SLC25A13: variants seen among roughly 807,000 people sequenced by gnomAD.
SLC25A13 encodes the protein solute carrier family 25 member 13, also known as electrogenic aspartate/glutamate antiporter SLC25A13, mitochondrial.
Under a neutral mutation model 85.5 loss-of-function variants are expected in SLC25A13, and 70 were observed. The observed-to-expected ratio is 0.82, with a 90% confidence interval of 0.68 to 1.00. SLC25A13 has a LOEUF of 1.00. Among genes scored for constraint, SLC25A13 ranks in the 50% least tolerant of loss-of-function variants. The pLI, the probability that SLC25A13 is intolerant of heterozygous loss-of-function variation, is 0.00. For missense variants in SLC25A13, 765 were observed against 819.8 expected, an observed-to-expected ratio of 0.93 and a Z score of 0.82; for synonymous variants, 259 against 288.7, an observed-to-expected ratio of 0.90 and a Z score of 1.04.
chr7:96,252,827 G>A (rs900755953), intron 3 of SLC25A13, among the ~76,000 whole-genome samples: 1 of 152,032 alleles, frequency 6.6e-6, no homozygotes, highest in Non-Finnish European at 1.5e-5. Flanking sequence ...GGCACGGTGG[G>A]TCACACCTGT....
intron 1 of SLC25A13, among the ~76,000 whole-genome samples, chr7:96,301,757 T>C (rs543161217): frequency 2.6e-5 from 4 of 152,022 alleles, no homozygotes; most frequent in African/African-American, 7.2e-5. Flanking sequence ...GCCTCCTGAG[T>C]AGCTGAGGCT....
chr7:96,173,511 G>A (rs934291358), intron 11 of SLC25A13, among the ~76,000 whole-genome samples: 2 of 152,166 alleles, frequency 1.3e-5, no homozygotes, highest in African/African-American at 4.8e-5. Flanking sequence ...AGCTGCATTT[G>A]TTCACTTATA....
At position 96,208,875 on chromosome 7, in the gene SLC25A13, CTT is replaced by C. The variant is rs2116717319; in HGVS notation, c.429_430del (p.Arg144ThrfsTer30). On this transcript the variant is annotated frameshift_variant, in exon 5 of 18. Transcript: ENST00000265631. LOFTEE classifies it high-confidence loss of function. The stretch of plus-strand genomic sequence containing the variant: ...AGTAAATTCCGCATATGTCAGGTGT[CTT>C]TTTCTTTCTTTTCCAAAATGTAGTT... 2 of 1,614,050 alleles carry C rather than the reference CTT, an allele frequency of 1.2e-6. No homozygotes were observed. Among genetic ancestry groups the C allele is most frequent in the Admixed American group, 3.3e-5 (2 of 60,002 alleles).
chr7:96,234,961 G>A (rs548762596), intron 3 of SLC25A13, 44 bp from the exon 4 acceptor site: 1 of 1,437,430 alleles, frequency 7.0e-7, no homozygotes, highest in African/African-American at 1.4e-5. Context: ...GTAGCTTGTG[G>A]AAAACAGAAG....
intron 1 of SLC25A13, among the ~76,000 whole-genome samples, chr7:96,303,622 T>C (rs1799634185): frequency 1.3e-5 from 2 of 152,198 alleles, no homozygotes; most frequent in African/African-American, 4.8e-5. Context: ...ATCAATTAGA[T>C]GAAATTGAGT....
chr7:96,313,059 A>G (rs1246814761), intron 1 of SLC25A13, among the ~76,000 whole-genome samples: 1 of 152,252 alleles, frequency 6.6e-6, no homozygotes, highest in African/African-American at 2.4e-5. Flanking sequence ...GGATTCAGTT[A>G]TAAGAACTGG....
chr7:96,192,836 C>T (rs1306827049), intron 6 of SLC25A13, among the ~76,000 whole-genome samples: 2 of 151,964 alleles, frequency 1.3e-5, no homozygotes, highest in East Asian at 1.9e-4. Context: ...GAAGATATTC[C>T]GTATTACCCA....
intron 2 of SLC25A13, among the ~76,000 whole-genome samples, chr7:96,280,457 T>TG: frequency 6.6e-6 from 1 of 152,256 alleles, no homozygotes; most frequent in South Asian, 2.1e-4. Context: ...GACTCATGCC[T>TG]GTCATCCCAG....
intron 13 of SLC25A13, among the ~76,000 whole-genome samples, chr7:96,155,537 C>T (rs1336872301): frequency 6.6e-6 from 1 of 152,092 alleles, no homozygotes; most frequent in Non-Finnish European, 1.5e-5. Flanking sequence ...AGCCCTCTAA[C>T]AATGTACACT....
At chr7:96,312,280 G>A (rs549808141) in intron 1 of SLC25A13, among the ~76,000 whole-genome samples, 75 of 152,242 alleles carry the variant, frequency 4.9e-4, no homozygotes, top group Admixed American at 1.4e-3. Context: ...TGAGTTTCTC[G>A]ATGTATATTA....
chr7:96,199,871 C>T (rs1795189984), intron 5 of SLC25A13, among the ~76,000 whole-genome samples: 2 of 152,026 alleles, frequency 1.3e-5, no homozygotes, highest in Admixed American at 6.6e-5. Flanking sequence ...TAGTTCCAGG[C>T]CTGTCATTTC....
intron 1 of SLC25A13, among the ~76,000 whole-genome samples, chr7:96,298,587 C>T (rs954150019): frequency 6.6e-6 from 1 of 152,142 alleles, no homozygotes; most frequent in Non-Finnish European, 1.5e-5. Flanking sequence ...GCATGCACCA[C>T]CATGCCCGGC....
rs1794398317 is a variant in SLC25A13 at position 96,180,950 on chromosome 7, G to C, written c.1177+3327C>G. ...GCACATTAAATCACTCTGAAGACTG[G>C]GGAGGAAACAGAGAAAGAATTTTAA... On this transcript the variant is annotated intron_variant, in intron 11 of 17. Coordinates refer to ENST00000265631, the MANE Select transcript of SLC25A13 (RefSeq NM_014251.3). Among the ~76,000 whole-genome samples the C allele has an allele frequency of 2.6e-5, 4 of 152,112 alleles. No individual in the cohort carries two copies. In the South Asian group the frequency reaches 8.3e-4, roughly 32 times the overall value.
intron 4 of SLC25A13, among the ~76,000 whole-genome samples, chr7:96,231,566 A>C (rs1383712164): frequency 6.6e-6 from 1 of 152,022 alleles, no homozygotes; most frequent in African/African-American, 2.4e-5. Flanking sequence ...CTCTACTAAA[A>C]ATACAAAATT....
At chr7:96,307,866 C>T (rs983164369) in intron 1 of SLC25A13, among the ~76,000 whole-genome samples, 8 of 151,948 alleles carry the variant, frequency 5.3e-5, no homozygotes, top group Admixed American at 2.0e-4. Context: ...TCTGACTCCA[C>T]TGCGGCCGGG....
chr7:96,295,060 T>C (rs1452089294), intron 2 of SLC25A13, among the ~76,000 whole-genome samples: 2 of 152,162 alleles, frequency 1.3e-5, no homozygotes, highest in African/African-American at 2.4e-5. Flanking sequence ...AAATGTTTTA[T>C]TATGAACATG....
chr7:96,234,984 T>C (rs1168193679), intron 3 of SLC25A13, 67 bp from the exon 4 acceptor site: 6 of 1,118,008 alleles, frequency 5.4e-6, no homozygotes, highest in Non-Finnish European at 8.0e-6. Context: ...TATACAAACA[T>C]ACACTGAGGG....
intron 4 of SLC25A13, among the ~76,000 whole-genome samples, chr7:96,234,349 AACC>A (rs1796665169): frequency 1.3e-5 from 2 of 152,220 alleles, no homozygotes; most frequent in South Asian, 4.1e-4. Flanking sequence ...TACCATTCTG[AACC>A]ACCATCTTGT....
chr7:96,161,389 C>T (rs758648154), intron 13 of SLC25A13, among the ~76,000 whole-genome samples: 1 of 152,162 alleles, frequency 6.6e-6, no homozygotes, highest in Non-Finnish European at 1.5e-5. Flanking sequence ...TCTTTGCTGG[C>T]CATCAGTCTC....
Sources: gnomAD v4.1 joint callset for allele counts (sites outside exome capture counted in the v4.1 genomes callset) on GRCh38, gnomAD v4.1.1 for gene constraint, MANE v1.5 for transcripts, NCBI Gene and HGNC (gene_info 2026-07-23, HGNC 2026-07-21) for gene names.